PELI1: variants seen among roughly 807,000 people sequenced by gnomAD.
The protein encoded by PELI1 is E3 ubiquitin-protein ligase pellino homolog 1.
A neutral mutation model predicts 41.3 loss-of-function variants in PELI1; 15 were observed. The observed-to-expected ratio is 0.36, with a 90% CI of 0.24 to 0.56. PELI1 has a LOEUF of 0.56. Ranked by LOEUF, PELI1 falls within the 20% of genes least tolerant of loss-of-function variation. The pLI is 0.82. For missense variants in PELI1, 403 were observed against 525.5 expected (o/e 0.77, Z 2.28); for synonymous variants, 178 against 180.1 (o/e 0.99, Z 0.09).
At chr2:64,114,033 T>G (rs760601034) in intron 1 of PELI1, among the ~76,000 whole-genome samples, 23 of 152,178 alleles carry the variant, frequency 1.5e-4, no homozygotes, top group Non-Finnish European at 2.8e-4. Flanking sequence ...GCAGATTGTT[T>G]ACATATCTTC....
chr2:64,126,343 T>C (rs527928608), intron 1 of PELI1, among the ~76,000 whole-genome samples: 74 of 152,306 alleles, frequency 4.9e-4, no homozygotes, highest in African/African-American at 1.7e-3. Flanking sequence ...TTTGTATTTT[T>C]AGTAGAGACG....
At chr2:64,109,016 A>C (rs1225399429) in intron 1 of PELI1, among the ~76,000 whole-genome samples, 1 of 152,308 alleles carries the variant, frequency 6.6e-6, no homozygotes, top group East Asian at 1.9e-4. Context: ...CTCATAAACC[A>C]TAGTGAGGAG....
intron 1 of PELI1, among the ~76,000 whole-genome samples, chr2:64,130,454 T>C (rs1233197131): frequency 2.6e-5 from 4 of 152,234 alleles, no homozygotes; most frequent in Non-Finnish European, 4.4e-5. Context: ...CTGAAAGTTT[T>C]TCCTTATTCC....
At chr2:64,121,401 T>C (rs762658439) in intron 1 of PELI1, among the ~76,000 whole-genome samples, 1 of 152,204 alleles carries the variant, frequency 6.6e-6, no homozygotes, top group Non-Finnish European at 1.5e-5. Flanking sequence ...TGGAAGTATA[T>C]TTCCTGCTTA....
At chr2:64,104,903 C>A in intron 2 of PELI1, 73 bp from the exon 3 acceptor site, 4 of 1,327,742 alleles carry the variant, frequency 3.0e-6, no homozygotes, top group Non-Finnish European at 4.2e-6. Context: ...TTTGACTTTG[C>A]CTTGCAGAAT....
In PELI1 at chr2:64,125,404, C is replaced by T. The variant is rs183800100; in HGVS notation, c.-69-17025G>A. ...TCTCAGCATTATAGGAACTCTGTGC[C>T]AGGAAGACAGCGTGGTAGAAAGACC... On this transcript the variant is annotated intron_variant, in intron 1 of 6. Coordinates refer to ENST00000358912, the MANE Select transcript of PELI1 (RefSeq NM_020651.4). 2.2e-3 allele frequency among the ~76,000 whole-genome samples: 329 copies of T among 152,278 alleles called. 1 individual carries two copies. Among genetic ancestry groups the T allele is most frequent in the African/African-American group, 7.2e-3 (300 of 41,530 alleles).
chr2:64,094,784 T>C lies in PELI1; in HGVS notation c.1175A>G (p.His392Arg). The change falls in exon 7 of 7, where the codon CAT becomes CGT. Residue 392 changes from histidine (H) to arginine (R), a missense_variant. By Grantham distance (29) the His-to-Arg change is conservative. Transcript: ENST00000358912. ...ATGTGCACAAAAGGGACAGGCTGCA[T>C]GAAAAGTATGAGTACCATGAGGAAG... Reference protein sequence around the residue: ...IPLPHGTHTFHAACPFCAHQL... With the variant: ...IPLPHGTHTFRAACPFCAHQL... 6.2e-7 allele frequency: 1 copy of C among 1,614,172 alleles called. No individual in the cohort carries two copies. Among genetic ancestry groups the C allele is most frequent in the Non-Finnish European group, 8.5e-7 (1 of 1,180,008 alleles).
At chr2:64,126,871 A>G (rs185451507) in intron 1 of PELI1, among the ~76,000 whole-genome samples, 83 of 152,282 alleles carry the variant, frequency 5.5e-4, no homozygotes, top group Non-Finnish European at 1.9e-4. Flanking sequence ...AGGGGTAAAA[A>G]GTATATTGTG....
chr2:64,117,644 A>G (rs1008477534), intron 1 of PELI1, among the ~76,000 whole-genome samples: 1 of 152,222 alleles, frequency 6.6e-6, no homozygotes, highest in Admixed American at 6.5e-5. Context: ...ATATTGTAGT[A>G]AAGTCGACTA....
intron 1 of PELI1, among the ~76,000 whole-genome samples, chr2:64,123,236 C>T (rs1248515562): frequency 6.6e-6 from 1 of 152,158 alleles, no homozygotes; most frequent in African/African-American, 2.4e-5. Context: ...AAAGGCATAC[C>T]ATGGAGATTT....
chr2:64,123,557 G>A (rs1055590366), intron 1 of PELI1, among the ~76,000 whole-genome samples: 2 of 152,136 alleles, frequency 1.3e-5, no homozygotes, highest in African/African-American at 2.4e-5. Context: ...TACATAAAAA[G>A]ATGCTCATTA....
At chr2:64,135,139 AC>A (rs1326455405) in intron 1 of PELI1, among the ~76,000 whole-genome samples, 1 of 152,170 alleles carries the variant, frequency 6.6e-6, no homozygotes, top group Non-Finnish European at 1.5e-5. Context: ...TTTAGAAAAG[AC>A]AACAAACATC....
At position 64,100,984 on chromosome 2, in the gene PELI1, C is replaced by A. The variant is rs1446791860; in HGVS notation, c.202-485G>T. On this transcript the variant is annotated intron_variant, in intron 3 of 6. Coordinates refer to ENST00000358912, the MANE Select transcript of PELI1 (RefSeq NM_020651.4). Reference sequence around the variant, plus strand: ...AGCTAAGGCAATCCGCCTGCCTCAGCCTCCCAAAGTGCTAGGATTATAGGC... The same window carrying A: ...AGCTAAGGCAATCCGCCTGCCTCAGACTCCCAAAGTGCTAGGATTATAGGC... Among the ~76,000 whole-genome samples, 3 of 152,182 alleles carry A rather than the reference C, an allele frequency of 2.0e-5. No homozygotes were observed. The East Asian group carries it at 5.8e-4, about 29-fold the overall frequency.
At chr2:64,116,071 C>CA in intron 1 of PELI1, among the ~76,000 whole-genome samples, 1 of 152,178 alleles carries the variant, frequency 6.6e-6, no homozygotes, top group East Asian at 1.9e-4. Flanking sequence ...AAGGTAAATT[C>CA]CTGGTACTAC....
At chr2:64,116,769 C>G (rs146715878) in intron 1 of PELI1, among the ~76,000 whole-genome samples, 1 of 152,150 alleles carries the variant, frequency 6.6e-6, no homozygotes, top group South Asian at 2.1e-4. Flanking sequence ...TACTGTGCTT[C>G]GCAGATACTG....
intron 4 of PELI1, among the ~76,000 whole-genome samples, chr2:64,097,388 A>G (rs1680278082): frequency 6.6e-6 from 1 of 152,228 alleles, no homozygotes; most frequent in Non-Finnish European, 1.5e-5. Flanking sequence ...ATTTCACTAC[A>G]TCAACTTTGT....
Position 64,095,128 on chromosome 2 carries a change from T to C in PELI1, c.831A>G (p.Ala277=). 6.2e-7 allele frequency: 1 copy of C among 1,614,226 alleles called. No homozygotes were observed. The stretch of plus-strand genomic sequence containing the variant: ...ACCCTACAGGGCACTGAGGTCGTGC[T>C]GCATTGATTTCCTGTCTTAAAGCTT... ...HLEALRQEIN[A]ARPQCPVGFN... The change falls in exon 7 of 7, where the codon GCA becomes GCG. Residue 277 remains alanine (A), a synonymous_variant. Coordinates refer to ENST00000358912, the MANE Select transcript of PELI1 (RefSeq NM_020651.4).
chr2:64,131,626 T>G (rs1271215845), intron 1 of PELI1, among the ~76,000 whole-genome samples: 2 of 152,032 alleles, frequency 1.3e-5, no homozygotes, highest in South Asian at 2.1e-4. Context: ...TCTCTTTTTT[T>G]TTTTTTTAAA....
At chr2:64,097,396 T>C (rs989536711) in intron 4 of PELI1, among the ~76,000 whole-genome samples, 2 of 152,240 alleles carry the variant, frequency 1.3e-5, no homozygotes, top group African/African-American at 4.8e-5. Context: ...ACATCAACTT[T>C]GTGGCATTTA....
Sources: gnomAD v4.1 joint callset for allele counts (sites outside exome capture counted in the v4.1 genomes callset) on GRCh38, gnomAD v4.1.1 for gene constraint, MANE v1.5 for transcripts, NCBI Gene and HGNC (gene_info 2026-07-23, HGNC 2026-07-21) for gene names.